The following KIFAP3 variants were observed in gnomAD, a reference collection of about 807,000 sequenced individuals.
The protein encoded by KIFAP3 is kinesin-associated protein 3.
Under a neutral mutation model 106.5 loss-of-function variants are expected in KIFAP3, and 68 were observed. The observed-to-expected ratio is 0.64, with a 90% CI of 0.53 to 0.78. KIFAP3 has a LOEUF of 0.78. Ranked by LOEUF, KIFAP3 falls within the 30% of genes least tolerant of loss-of-function variation. The pLI is 0.00. For synonymous variants in KIFAP3, 320 were observed against 311.5 expected (o/e 1.03, Z -0.29); for missense variants, 780 against 941.8 (o/e 0.83, Z 2.25).
chr1:169,934,520 T>C (rs963030306), intron 19 of KIFAP3, among the ~76,000 whole-genome samples: 2 of 152,148 alleles, frequency 1.3e-5, no homozygotes, highest in African/African-American at 4.8e-5. Context: ...CTTCCCACAT[T>C]GTACGCATTC....
chr1:169,929,212 T>C (rs1407335817), intron 19 of KIFAP3, among the ~76,000 whole-genome samples: 2 of 152,188 alleles, frequency 1.3e-5, no homozygotes, highest in South Asian at 2.1e-4. Flanking sequence ...GTGGCATCCA[T>C]TGCTGTCGCA....
At chr1:169,998,301 A>G (rs953833893) in intron 10 of KIFAP3, among the ~76,000 whole-genome samples, 3 of 152,000 alleles carry the variant, frequency 2.0e-5, no homozygotes, top group African/African-American at 7.2e-5. Flanking sequence ...AATAAAACCT[A>G]TATGACAGAG....
At chr1:170,041,209 T>TA (rs993482652) in intron 3 of KIFAP3, among the ~76,000 whole-genome samples, 63 of 152,288 alleles carry the variant, frequency 4.1e-4, no homozygotes, top group African/African-American at 1.4e-3. Flanking sequence ...TATTCACAGC[T>TA]AAAAAAAGTA....
At chr1:170,034,545 G>T (rs938397617) in intron 6 of KIFAP3, 49 bp from the exon 7 acceptor site, 15 of 1,080,700 alleles carry the variant, frequency 1.4e-5, no homozygotes, top group Non-Finnish European at 1.7e-5. Context: ...CATTTTATGG[G>T]TACAGGAAAT....
At chr1:169,981,093 C>CTATTT (rs763337755) in intron 15 of KIFAP3, among the ~76,000 whole-genome samples, 11 of 152,132 alleles carry the variant, frequency 7.2e-5, no homozygotes, top group Non-Finnish European at 1.2e-4. Flanking sequence ...AAGAGCAAAA[C>CTATTT]TATGTCTCAA....
chr1:170,071,669 G>A lies in KIFAP3; in HGVS notation c.32+2767C>T, dbSNP rs190929778. ...CAAGAGAGCTAATCCAGTCTCACTA[G>A]AGCAAGAATTCACTCACTCCAGCAA... On this transcript the variant is annotated intron_variant, in intron 1 of 19. Transcript: ENST00000361580. Among the ~76,000 whole-genome samples the A allele has an allele frequency of 1.2e-4, 18 of 152,262 alleles. No homozygotes were observed. In the East Asian group the frequency reaches 2.5e-3, roughly 21 times the overall value.
intron 10 of KIFAP3, among the ~76,000 whole-genome samples, chr1:170,000,568 T>C (rs1299423997): frequency 6.6e-6 from 1 of 152,176 alleles, no homozygotes; most frequent in Non-Finnish European, 1.5e-5. Context: ...ACATGTTAAC[T>C]ACACACTGAC....
chr1:170,074,554 A>T lies in KIFAP3; in HGVS notation c.-87T>A. 6.2e-7 allele frequency: 1 copy of T among 1,600,204 alleles called. No individual in the cohort carries two copies. The highest frequency in any genetic ancestry group is 8.5e-7 in the Non-Finnish European group (1 of 1,173,630). On this transcript the variant is annotated 5_prime_UTR_variant, in exon 1 of 20. Coordinates refer to ENST00000361580, the MANE Select transcript of KIFAP3 (RefSeq NM_014970.4). ...CGGGGACGGTGGCCAAAGTACCCTC[A>T]CACCCAGAGGCGATGACAGTCCTGA...
At chr1:169,937,442 T>C (rs917483794) in intron 19 of KIFAP3, among the ~76,000 whole-genome samples, 1 of 151,812 alleles carries the variant, frequency 6.6e-6, no homozygotes, top group African/African-American at 2.4e-5. Flanking sequence ...GTATATATGC[T>C]ATTTTTATCA....
chr1:169,944,393 T>C (rs1313202897), intron 19 of KIFAP3, among the ~76,000 whole-genome samples: 3 of 152,128 alleles, frequency 2.0e-5, no homozygotes, highest in African/African-American at 7.2e-5. Flanking sequence ...CCCAGAAACC[T>C]GGAGAAACTG....
chr1:169,975,388 A>C (rs2101896557), intron 16 of KIFAP3, among the ~76,000 whole-genome samples: 1 of 18,068 alleles, frequency 5.5e-5, no homozygotes, highest in Non-Finnish European at 8.2e-5. Flanking sequence ...CAAACTTTCT[A>C]ACAAAAAATA....
In KIFAP3 at chr1:170,017,672, A is replaced by AT. The variant is rs376154631; in HGVS notation, c.1021-1049dup. ...CACAGGCAGTGAAGTGTTCTGAAAGATTTTAAGTCCAGGAGGTGATGTGGT... is the reference window on the plus strand; with the variant it reads ...CACAGGCAGTGAAGTGTTCTGAAAGATTTTTAAGTCCAGGAGGTGATGTGGT... On this transcript the variant is annotated intron_variant, in intron 9 of 19. Coordinates refer to ENST00000361580, the MANE Select transcript of KIFAP3 (RefSeq NM_014970.4). 5.6e-3 allele frequency among the ~76,000 whole-genome samples: 855 copies of AT among 152,314 alleles called. 9 individuals are homozygous for AT. The highest frequency in any genetic ancestry group is 0.019 in the African/African-American group (780 of 41,564).
intron 1 of KIFAP3, among the ~76,000 whole-genome samples, chr1:170,073,398 T>C (rs1241938990): frequency 6.6e-6 from 1 of 152,256 alleles, no homozygotes; most frequent in Admixed American, 6.5e-5. Flanking sequence ...ATCCCTTCTA[T>C]GAGTCTACTA....
chr1:169,977,531 C>A (rs983519978), intron 16 of KIFAP3, among the ~76,000 whole-genome samples: 1 of 152,054 alleles, frequency 6.6e-6, no homozygotes, highest in African/African-American at 2.4e-5. Context: ...TTTCCAAGGT[C>A]CTGCAGCTTA....
At chr1:169,987,871 C>T (rs1666911051) in intron 11 of KIFAP3, among the ~76,000 whole-genome samples, 2 of 152,054 alleles carry the variant, frequency 1.3e-5, no homozygotes, top group African/African-American at 4.8e-5. Context: ...ACATGCATCT[C>T]AGAGGTCTAA....
intron 19 of KIFAP3, among the ~76,000 whole-genome samples, chr1:169,926,703 ACAT>A (rs1663160630): frequency 6.7e-6 from 1 of 148,608 alleles, no homozygotes; most frequent in Non-Finnish European, 1.5e-5. Context: ...ACACACACAC[ACAT>A]TCAAAATTTT....
At chr1:170,077,309 C>T (rs553500214), upstream of KIFAP3, among the ~76,000 whole-genome samples, 2 of 152,312 alleles carry the variant, frequency 1.3e-5, no homozygotes, top group African/African-American at 4.8e-5. Flanking sequence ...ACTCCTAGTT[C>T]TATACTTCAT....
chr1:170,062,214 TC>T (rs1230028451), intron 1 of KIFAP3, among the ~76,000 whole-genome samples: 2,815 of 88,736 alleles, frequency 0.032, 99 homozygotes, highest in African/African-American at 0.12. Context: ...TGAGATACCA[TC>T]AAAAAAAAAA....
At chr1:170,043,943 A>C (rs1670111368) in intron 3 of KIFAP3, among the ~76,000 whole-genome samples, 1 of 152,148 alleles carries the variant, frequency 6.6e-6, no homozygotes, top group South Asian at 2.1e-4. Context: ...GAAGACAAAG[A>C]TCAGAATGAG....
Sources: gnomAD v4.1 joint callset for allele counts (sites outside exome capture counted in the v4.1 genomes callset) on GRCh38, gnomAD v4.1.1 for gene constraint, MANE v1.5 for transcripts, NCBI Gene and HGNC (gene_info 2026-07-23, HGNC 2026-07-21) for gene names.